The following MBNL2 variants were observed in gnomAD, a reference collection of about 807,000 sequenced individuals.
MBNL2 encodes muscleblind-like protein 2.
In MBNL2, 17 loss-of-function variants were observed where a neutral mutation model predicts 41.9. That is an observed-to-expected ratio of 0.41 (90% confidence interval 0.28 to 0.61). The LOEUF is 0.61. Among genes scored for constraint, MBNL2 ranks in the 20% least tolerant of loss-of-function variants. MBNL2 has a pLI of 0.35. For missense variants in MBNL2, 336 were observed against 505.6 expected (o/e 0.66, Z 3.22); for synonymous variants, 195 against 182.9 (o/e 1.07, Z -0.53).
Position 97,292,558 on chromosome 13 carries a change from G to A in MBNL2, c.174+16149G>A, listed in dbSNP as rs536170591. On this transcript the variant is annotated intron_variant, in intron 2 of 8. Coordinates refer to ENST00000679496, the MANE Select transcript of MBNL2 (RefSeq NM_001382683.1). ...AACAGAAAGTTCTATTTGATCATTTGTTTTTTAGAATTATTTTTTATTTCC... is the reference window on the plus strand; with the variant it reads ...AACAGAAAGTTCTATTTGATCATTTATTTTTTAGAATTATTTTTTATTTCC... Among the ~76,000 whole-genome samples, 13 of 152,154 alleles carry A rather than the reference G, an allele frequency of 8.5e-5. No homozygotes were observed. In the South Asian group the frequency reaches 2.7e-3, roughly 32 times the overall value.
At chr13:97,155,711 A>G in the MBNL2 span, among the ~76,000 whole-genome samples, 11,792 of 151,910 alleles carry the variant, frequency 0.078, 729 homozygotes, top group African/African-American at 0.17. Context: ...CCATGTCCCT[A>G]CAAAGGACAT....
the MBNL2 span, among the ~76,000 whole-genome samples, chr13:97,164,204 C>T: frequency 5.9e-5 from 9 of 152,252 alleles, no homozygotes; most frequent in African/African-American, 1.7e-4. Flanking sequence ...GACGGGGTTT[C>T]GCCATGCTGG....
upstream of MBNL2, among the ~76,000 whole-genome samples, chr13:97,221,070 A>C (rs1457042123): frequency 6.6e-6 from 1 of 152,204 alleles, no homozygotes; most frequent in South Asian, 2.1e-4. Context: ...TAGCCTAGAA[A>C]TTATATGAAA....
chr13:97,335,742 T>C (rs148090136), intron 3 of MBNL2, among the ~76,000 whole-genome samples: 66 of 152,278 alleles, frequency 4.3e-4, no homozygotes, highest in African/African-American at 1.5e-3. Flanking sequence ...ATAAGCCTCT[T>C]GTAAAGGGTG....
chr13:97,303,249 G>A (rs2057809006), intron 2 of MBNL2, among the ~76,000 whole-genome samples: 1 of 152,154 alleles, frequency 6.6e-6, no homozygotes, highest in South Asian at 2.1e-4. Context: ...AGTATCTGGG[G>A]ACAGGAGCTG....
chr13:97,337,388 G>A (rs2060976996), intron 3 of MBNL2, among the ~76,000 whole-genome samples: 1 of 152,156 alleles, frequency 6.6e-6, no homozygotes, highest in Non-Finnish European at 1.5e-5. Context: ...CCTCTCAGCG[G>A]TGCTCAAGTC....
chr13:97,142,870 GT>G, the MBNL2 span, among the ~76,000 whole-genome samples: 2 of 151,934 alleles, frequency 1.3e-5, no homozygotes, highest in Admixed American at 1.3e-4. Context: ...CTTTTTTTTA[GT>G]TTGCCTTGAG....
At chr13:97,288,739 A>G (rs1218233750) in intron 2 of MBNL2, among the ~76,000 whole-genome samples, 1 of 152,180 alleles carries the variant, frequency 6.6e-6, no homozygotes, top group African/African-American at 2.4e-5. Flanking sequence ...AGTCCAGTGT[A>G]TATTAGTCTT....
chr13:97,202,141 C>T, the MBNL2 span, among the ~76,000 whole-genome samples: 4 of 152,064 alleles, frequency 2.6e-5, no homozygotes, highest in African/African-American at 7.2e-5. Context: ...GTAGTTGAAG[C>T]GATCTGATAT....
At chr13:97,273,328 T>C (rs1404179077) in intron 1 of MBNL2, among the ~76,000 whole-genome samples, 1 of 152,200 alleles carries the variant, frequency 6.6e-6, no homozygotes, top group Non-Finnish European at 1.5e-5. Context: ...TCCTTTGTTC[T>C]CCATGGGAGC....
chr13:97,335,490 C>G (rs914212496), intron 3 of MBNL2, among the ~76,000 whole-genome samples: 10 of 152,018 alleles, frequency 6.6e-5, no homozygotes, highest in African/African-American at 2.4e-4. Flanking sequence ...GCAGGGCCTG[C>G]CCAAAGGAGA....
intron 1 of MBNL2, among the ~76,000 whole-genome samples, chr13:97,230,017 G>C (rs1258945705): frequency 6.6e-6 from 1 of 152,204 alleles, no homozygotes; most frequent in Non-Finnish European, 1.5e-5. Context: ...GTGAAACTGG[G>C]CCAGGCACAG....
At chr13:97,174,190 A>G in the MBNL2 span, among the ~76,000 whole-genome samples, 1 of 152,178 alleles carries the variant, frequency 6.6e-6, no homozygotes, top group East Asian at 1.9e-4. Flanking sequence ...TGCTTCTGGA[A>G]TGAAGCTGGT....
In MBNL2 at chr13:97,393,046, A is replaced by G. The variant is rs1339435500; in HGVS notation, c.*1597A>G. 6.6e-6 allele frequency: 1 copy of G among 152,482 alleles called. No homozygotes were observed. Among genetic ancestry groups the G allele is most frequent in the Admixed American group, 6.6e-5 (1 of 15,260 alleles). The allele number at this position is 152,482 out of a possible 1,614,324, so 9.4% of individuals were successfully genotyped here. A position where few individuals can be genotyped will look rare whatever the true frequency, so the allele number is the denominator to read the frequency against. On this transcript the variant is annotated 3_prime_UTR_variant, in exon 9 of 9. Transcript: ENST00000679496. ...TCGAATTACTATCTATTTATCTTAT[A>G]TCGTAGATCTGATAACCCTATCTAA...
chr13:97,151,775 A>T, the MBNL2 span, among the ~76,000 whole-genome samples: 1 of 152,208 alleles, frequency 6.6e-6, no homozygotes, highest in South Asian at 2.1e-4. Flanking sequence ...AGCAGCCAGG[A>T]TAATACCTTT....
chr13:97,213,197 A>G, the MBNL2 span, among the ~76,000 whole-genome samples: 3 of 152,226 alleles, frequency 2.0e-5, no homozygotes, highest in Non-Finnish European at 4.4e-5. Context: ...ATGAGGTTGA[A>G]TAGAGGTGAC....
chr13:97,155,774 A>G, the MBNL2 span, among the ~76,000 whole-genome samples: 1 of 151,934 alleles, frequency 6.6e-6, no homozygotes, highest in Non-Finnish European at 1.5e-5. Flanking sequence ...CATGCGCCAC[A>G]TTTTCTTAAT....
the MBNL2 span, among the ~76,000 whole-genome samples, chr13:97,208,895 T>C: frequency 0.011 from 1,604 of 152,344 alleles, 42 homozygotes; most frequent in African/African-American, 0.036. Flanking sequence ...ATTTTCTGCA[T>C]GCAACCTTCA....
the MBNL2 span, among the ~76,000 whole-genome samples, chr13:97,148,953 A>G: frequency 2.6e-5 from 4 of 152,372 alleles, no homozygotes; most frequent in East Asian, 7.7e-4. Flanking sequence ...CCATTTCACA[A>G]AAATGCCTAG....
Sources: allele counts gnomAD v4.1 joint callset (sites outside exome capture counted in the v4.1 genomes callset), GRCh38; gene constraint gnomAD v4.1.1; transcripts MANE v1.5; gene names NCBI Gene and HGNC (gene_info 2026-07-23, HGNC 2026-07-21).